The following EYA1 variants were observed in gnomAD, a reference collection of about 807,000 sequenced individuals.
EYA1 encodes protein phosphatase EYA1.
EYA1 carries 16 observed loss-of-function variants against 82.0 expected under a neutral mutation model. That is an observed-to-expected ratio of 0.20 (90% confidence interval 0.13 to 0.30). The LOEUF (loss-of-function observed/expected upper bound fraction) is 0.30, where lower values mean the gene tolerates loss of function less well. EYA1 is among the 10% of genes least tolerant of loss of function. The pLI, the probability that EYA1 is intolerant of heterozygous loss-of-function variation, is 1.00. For synonymous variants in EYA1, 261 were observed against 264.4 expected, an observed-to-expected ratio of 0.99 and a Z score of 0.12; for missense variants, 633 against 730.7, an observed-to-expected ratio of 0.87 and a Z score of 1.54.
intron 2 of EYA1, among the ~76,000 whole-genome samples, chr8:71,526,352 A>G (rs1813815496): frequency 6.6e-6 from 1 of 152,050 alleles, no homozygotes; most frequent in African/African-American, 2.4e-5. Flanking sequence ...CTTCTCTTCA[A>G]AAATACTGAT....
chr8:71,302,026 T>C (rs1370879441), intron 7 of EYA1, among the ~76,000 whole-genome samples: 1 of 152,160 alleles, frequency 6.6e-6, no homozygotes, highest in African/African-American at 2.4e-5. Flanking sequence ...ATGATGAACA[T>C]TTAAAAATGC....
intron 2 of EYA1, among the ~76,000 whole-genome samples, chr8:71,381,470 A>G (rs1424639320): frequency 6.6e-6 from 1 of 152,204 alleles, no homozygotes; most frequent in Non-Finnish European, 1.5e-5. Flanking sequence ...GAAAGAGGAG[A>G]ATATAACCAG....
intron 12 of EYA1, among the ~76,000 whole-genome samples, chr8:71,218,722 T>C (rs1809515959): frequency 6.6e-6 from 1 of 152,186 alleles, no homozygotes; most frequent in Non-Finnish European, 1.5e-5. Flanking sequence ...TGATCGCTTG[T>C]GTTTTCGACA....
chr8:71,305,168 A>G (rs960299111), intron 7 of EYA1, among the ~76,000 whole-genome samples: 1 of 143,392 alleles, frequency 7.0e-6, no homozygotes, highest in Non-Finnish European at 1.6e-5. Flanking sequence ...TTCTTTAATC[A>G]AAATAATATA....
chr8:71,493,972 G>C (rs962802038), intron 2 of EYA1, among the ~76,000 whole-genome samples: 5 of 120,778 alleles, frequency 4.1e-5, no homozygotes, highest in African/African-American at 1.6e-4. Flanking sequence ...GCAGTGAGCC[G>C]AGATCCCGCC....
chr8:71,205,224 T>TAAAC (rs1807610642), intron 17 of EYA1, among the ~76,000 whole-genome samples: 1 of 152,116 alleles, frequency 6.6e-6, no homozygotes, highest in Admixed American at 6.5e-5. Context: ...CCCTTTGCCA[T>TAAAC]AAACAAGAGA....
chr8:71,334,456 A>G (rs1824257594), intron 3 of EYA1: 1 of 452,144 alleles, frequency 2.2e-6, no homozygotes, highest in Admixed American at 3.5e-5. Context: ...TGAATTACTT[A>G]TTGATAAATT....
At chr8:71,245,259 C>T (rs1812940219) in intron 11 of EYA1, among the ~76,000 whole-genome samples, 2 of 152,000 alleles carry the variant, frequency 1.3e-5, no homozygotes, top group Admixed American at 1.3e-4. Flanking sequence ...CAGAGTCTCG[C>T]TCTGTCACCC....
chr8:71,332,131 G>A (rs186637175), intron 4 of EYA1, among the ~76,000 whole-genome samples: 4 of 152,126 alleles, frequency 2.6e-5, no homozygotes, highest in African/African-American at 9.7e-5. Flanking sequence ...AGGATTACAC[G>A]TGTGAACCAC....
Position 71,473,483 on chromosome 8 carries a change from A to G in EYA1, c.33+62261T>C, listed in dbSNP as rs184964497. Among the ~76,000 whole-genome samples the G allele has an allele frequency of 2.2e-4, 33 of 152,346 alleles. No individual in the cohort carries two copies. The East Asian group carries it at 5.6e-3, about 26-fold the overall frequency. ...ATCACTGGTCATTAGAGAAATGCAA[A>G]TCAAAACCACAATGAGATACCATCT... On this transcript the variant is annotated intron_variant, in intron 2 of 18. Transcript: ENST00000643681.
At chr8:71,263,291 C>T (rs1222896615) in intron 11 of EYA1, among the ~76,000 whole-genome samples, 3 of 152,132 alleles carry the variant, frequency 2.0e-5, no homozygotes, top group Middle Eastern at 3.2e-3. Context: ...CTGCCCCTGC[C>T]TCCACCCCCT....
intron 2 of EYA1, among the ~76,000 whole-genome samples, chr8:71,476,604 C>T (rs899481539): frequency 2.6e-5 from 4 of 151,930 alleles, no homozygotes; most frequent in African/African-American, 9.7e-5. Context: ...ACATTCCATG[C>T]TCATGAAATG....
At chr8:71,517,409 T>G (rs1477539158) in intron 2 of EYA1, among the ~76,000 whole-genome samples, 1 of 151,914 alleles carries the variant, frequency 6.6e-6, no homozygotes, top group African/African-American at 2.4e-5. Flanking sequence ...CTGCCCTCAC[T>G]AAGCCTTCTA....
chr8:71,391,206 C>T (rs1427792302), intron 2 of EYA1, among the ~76,000 whole-genome samples: 1 of 152,134 alleles, frequency 6.6e-6, no homozygotes, highest in Admixed American at 6.6e-5. Context: ...TGGTTTTGAA[C>T]TCCTGACCTC....
At chr8:71,205,574 A>G (rs1316239601) in intron 17 of EYA1, among the ~76,000 whole-genome samples, 2 of 152,218 alleles carry the variant, frequency 1.3e-5, no homozygotes, top group Admixed American at 6.5e-5. Context: ...TTCTTTTACG[A>G]AACAAAGGTA....
intron 9 of EYA1, among the ~76,000 whole-genome samples, chr8:71,288,112 T>A (rs949294084): frequency 6.6e-6 from 1 of 152,072 alleles, no homozygotes; most frequent in East Asian, 1.9e-4. Context: ...ATAGACATTC[T>A]CAGATGGGGT....
intron 2 of EYA1, among the ~76,000 whole-genome samples, chr8:71,473,654 G>A (rs1269381366): frequency 6.6e-6 from 1 of 152,096 alleles, no homozygotes; most frequent in Non-Finnish European, 1.5e-5. Flanking sequence ...ATTCCTCAAG[G>A]ATCTAGCACC....
chr8:71,423,433 G>C (rs948631528), intron 2 of EYA1, among the ~76,000 whole-genome samples: 2 of 152,142 alleles, frequency 1.3e-5, no homozygotes, highest in South Asian at 4.2e-4. Flanking sequence ...CGTTCTAATG[G>C]AGTATTATTT....
intron 9 of EYA1, among the ~76,000 whole-genome samples, chr8:71,286,254 A>G (rs556632282): frequency 6.6e-6 from 1 of 152,342 alleles, no homozygotes; most frequent in Non-Finnish European, 1.5e-5. Context: ...AACACCTCAC[A>G]GAACTGCTCA....
Sources: gnomAD v4.1 joint callset for allele counts (sites outside exome capture counted in the v4.1 genomes callset) on GRCh38, gnomAD v4.1.1 for gene constraint, MANE v1.5 for transcripts, NCBI Gene and HGNC (gene_info 2026-07-23, HGNC 2026-07-21) for gene names.